Variants in PRKCH observed in about 807,000 individuals in gnomAD.
The protein encoded by PRKCH is protein kinase C eta type.
A neutral mutation model predicts 82.5 loss-of-function variants in PRKCH; 28 were observed. That is an observed-to-expected ratio of 0.34 (90% CI 0.25 to 0.47). The LOEUF (loss-of-function observed/expected upper bound fraction) is 0.47, where lower values mean the gene tolerates loss of function less well. PRKCH is among the 20% of genes least tolerant of loss of function. The pLI, the probability that PRKCH is intolerant of heterozygous loss-of-function variation, is 1.00. For missense variants in PRKCH, 705 were observed against 881.8 expected (o/e 0.80, Z 2.54); for synonymous variants, 322 against 327.4 (o/e 0.98, Z 0.18).
intron 7 of PRKCH, 120 bp downstream of exon 7, chr14:61,453,473 T>C: frequency 1.0e-6 from 1 of 998,766 alleles, no homozygotes; most frequent in Non-Finnish European, 1.4e-6. Flanking sequence ...ATAAACAGAC[T>C]TATTGCCTTT....
intron 1 of PRKCH, among the ~76,000 whole-genome samples, chr14:61,243,547 G>A (rs966584501): frequency 9.2e-5 from 14 of 152,178 alleles, no homozygotes; most frequent in African/African-American, 2.4e-4. Context: ...CTTGGGGAAC[G>A]GAGGGTGTTC....
intron 2 of PRKCH, among the ~76,000 whole-genome samples, chr14:61,402,287 T>C (rs893903665): frequency 2.6e-5 from 4 of 152,260 alleles, no homozygotes; most frequent in Non-Finnish European, 4.4e-5. Flanking sequence ...TAATTTAAAG[T>C]ATGAAAAGTT....
At chr14:61,506,704 A>G (rs996294105) in intron 10 of PRKCH, among the ~76,000 whole-genome samples, 28 of 152,256 alleles carry the variant, frequency 1.8e-4, no homozygotes, top group African/African-American at 6.3e-4. Context: ...GATCTTCCCT[A>G]TGGTCACTGG....
intron 1 of PRKCH, among the ~76,000 whole-genome samples, chr14:61,198,592 TGGGCAGAAA>T (rs1420004782): frequency 3.3e-5 from 5 of 152,356 alleles, no homozygotes; most frequent in Non-Finnish European, 7.3e-5. Flanking sequence ...AGTTAGCGTG[TGGGCAGAAA>T]CTATGTCTCT....
At position 61,268,678 on chromosome 14, in the gene PRKCH, AT is replaced by A. The variant is rs544357799; in HGVS notation, c.-19+81011del. Among the ~76,000 whole-genome samples the A allele has an allele frequency of 4.9e-4, 75 of 152,198 alleles. 2 individuals are homozygous for A. In the South Asian group the frequency reaches 0.012, roughly 24 times the overall value. Reference sequence around the variant, plus strand: ...GCAAGACGCTGCCCCCTGCCAAAAAATATATATATATTTCTTAGGTTCAATA... The same window carrying A: ...GCAAGACGCTGCCCCCTGCCAAAAAAATATATATATTTCTTAGGTTCAATA... On this transcript the variant is annotated intron_variant, in intron 1 of 3. Coordinates refer to the PRKCH transcript ENST00000555185.
intron 1 of PRKCH, among the ~76,000 whole-genome samples, chr14:61,233,865 A>T (rs2044764999): frequency 6.6e-6 from 1 of 152,148 alleles, no homozygotes; most frequent in Non-Finnish European, 1.5e-5. Context: ...AGTCTCAGGT[A>T]TGTCTTTTTT....
At chr14:61,191,410 C>A (rs897030273) in intron 1 of PRKCH, among the ~76,000 whole-genome samples, 1 of 152,210 alleles carries the variant, frequency 6.6e-6, no homozygotes, top group African/African-American at 2.4e-5. Context: ...CAGTGGCTAA[C>A]GCCTGTAATC....
In PRKCH at chr14:61,281,092, G is replaced by T. The variant is rs201198158; in HGVS notation, c.-19+93424G>T. 9.3e-4 allele frequency: 1,387 copies of T among 1,497,288 alleles called. 12 individuals are homozygous for T. In the African/African-American group the frequency reaches 0.018, roughly 20 times the overall value. 92.8% of individuals were successfully genotyped at this position (1,497,288 alleles called of 1,614,324 possible). A position where few individuals can be genotyped will look rare whatever the true frequency, so the allele number is the denominator to read the frequency against. On this transcript the variant is annotated intron_variant, in intron 1 of 3. Transcript: ENST00000555185. ...CTGCCAGGCGGGGAGGCGCTGCTGA[G>T]TGAAGGCGGTGTTGTCGGGCTGGTG...
chr14:61,215,398 C>T (rs187965491), intron 1 of PRKCH, among the ~76,000 whole-genome samples: 5 of 152,260 alleles, frequency 3.3e-5, no homozygotes, highest in Non-Finnish European at 7.4e-5. Flanking sequence ...CTGGCCTGCC[C>T]TGTGGATTTC....
intron 1 of PRKCH, among the ~76,000 whole-genome samples, chr14:61,328,318 G>A (rs887604528): frequency 1.4e-5 from 2 of 146,776 alleles, no homozygotes; most frequent in African/African-American, 5.0e-5. Context: ...CTTTGAATAT[G>A]GTAATGGATT....
intron 1 of PRKCH, among the ~76,000 whole-genome samples, chr14:61,387,677 G>A (rs1049087593): frequency 1.3e-5 from 2 of 152,120 alleles, no homozygotes; most frequent in African/African-American, 4.8e-5. Flanking sequence ...AACCTCCAAA[G>A]CCACATTTTT....
chr14:61,412,290 A>G (rs1007067846), intron 2 of PRKCH, among the ~76,000 whole-genome samples: 5 of 152,240 alleles, frequency 3.3e-5, no homozygotes, highest in African/African-American at 4.8e-5. Context: ...ACTATATTCC[A>G]TATGTTAAGC....
chr14:61,253,003 G>C (rs1037558561), intron 1 of PRKCH, among the ~76,000 whole-genome samples: 1 of 152,168 alleles, frequency 6.6e-6, no homozygotes, highest in Non-Finnish European at 1.5e-5. Flanking sequence ...AGCGCTGCTC[G>C]GCCTTAGCAG....
At chr14:61,413,418 C>CCCCCCCCTCCCCCG (rs1226453137) in intron 2 of PRKCH, among the ~76,000 whole-genome samples, 1 of 105,670 alleles carries the variant, frequency 9.5e-6, no homozygotes, top group Non-Finnish European at 2.0e-5. Context: ...CCCCCCGCCC[C>CCCCCCCCTCCCCCG]GCCCATGTAC....
At chr14:61,399,481 C>G (rs1881481604) in intron 2 of PRKCH, among the ~76,000 whole-genome samples, 1 of 152,104 alleles carries the variant, frequency 6.6e-6, no homozygotes, top group African/African-American at 2.4e-5. Context: ...GACTAAAGTA[C>G]TGTGCTTCAG....
chr14:61,195,476 T>G (rs2044434022), intron 1 of PRKCH, among the ~76,000 whole-genome samples: 2 of 152,236 alleles, frequency 1.3e-5, no homozygotes, highest in African/African-American at 4.8e-5. Flanking sequence ...TCACTGGAAC[T>G]GTAAAATTAA....
chr14:61,462,880 A>G (rs1885091140), intron 9 of PRKCH, among the ~76,000 whole-genome samples: 2 of 152,246 alleles, frequency 1.3e-5, no homozygotes, highest in East Asian at 1.9e-4. Context: ...GCAGGGCAGT[A>G]ACTAGCCGAG....
intron 13 of PRKCH, among the ~76,000 whole-genome samples, chr14:61,548,832 A>T (rs1330654621): frequency 6.8e-6 from 1 of 146,900 alleles, no homozygotes; most frequent in Non-Finnish European, 1.5e-5. Context: ...CATGCGCTCC[A>T]GCCTGGGCAA....
At chr14:61,320,460 G>T (rs113888959), upstream of PRKCH, among the ~76,000 whole-genome samples, 196 of 152,286 alleles carry the variant, frequency 1.3e-3, no homozygotes, top group African/African-American at 4.4e-3. Flanking sequence ...TTAGCCGGGC[G>T]TGGTGGCGCA....
Sources: allele counts gnomAD v4.1 joint callset (sites outside exome capture counted in the v4.1 genomes callset), GRCh38; gene constraint gnomAD v4.1.1; transcripts MANE v1.5; gene names NCBI Gene and HGNC (gene_info 2026-07-23, HGNC 2026-07-21).